SGCD: variants seen among roughly 807,000 people sequenced by gnomAD.
SGCD encodes sarcoglycan delta.
In SGCD, 18 loss-of-function variants were observed where a neutral mutation model predicts 36.6. The observed-to-expected ratio is 0.49, with a 90% CI of 0.34 to 0.73. The LOEUF is 0.73. Among genes scored for constraint, SGCD ranks in the 30% least tolerant of loss-of-function variants. The pLI is 0.01. For synonymous variants in SGCD, 133 were observed against 130.6 expected, an observed-to-expected ratio of 1.02 and a Z score of -0.12; for missense variants, 387 against 346.7, an observed-to-expected ratio of 1.12 and a Z score of -0.92.
At chr5:156,180,198 G>A (rs968227427) in intron 3 of SGCD, among the ~76,000 whole-genome samples, 2 of 152,094 alleles carry the variant, frequency 1.3e-5, no homozygotes, top group Non-Finnish European at 1.5e-5. Context: ...AACTGCAATA[G>A]CATTTCCTTA....
chr5:155,736,101 A>G, the SGCD span, among the ~76,000 whole-genome samples: 1 of 152,236 alleles, frequency 6.6e-6, no homozygotes, highest in Non-Finnish European at 1.5e-5. Context: ...CCTCAGACAC[A>G]GAAACATGTG....
Position 156,718,968 on chromosome 5 carries a change from C to T in SGCD, c.576-38613C>T, listed in dbSNP as rs1007869607. On this transcript the variant is annotated intron_variant, in intron 7 of 8. Coordinates refer to ENST00000337851, the MANE Select transcript of SGCD (RefSeq NM_000337.6). ...CTACCTGTAATACTCTTTTCTTCTC[C>T]TCCTCTACTGCCTAACCCCTCCTTA... Among the ~76,000 whole-genome samples the T allele has an allele frequency of 4.6e-5, 7 of 152,180 alleles. No individual in the cohort carries two copies. The South Asian group carries it at 1.5e-3, about 32-fold the overall frequency.
rs35464853 is a variant in SGCD, at chr5:156,412,787, CTT to C, written c.192+68128_192+68129del. 5.9e-3 allele frequency among the ~76,000 whole-genome samples: 615 copies of C among 105,010 alleles called. 5 individuals carry two copies. Among genetic ancestry groups the C allele is most frequent in the African/African-American group, 0.02 (511 of 25,476 alleles). 68.9% of individuals were successfully genotyped at this position (105,010 alleles called of 152,430 possible). ...CAGATTGAATCAGGCAGGGTTGGTT[CTT>C]TTTTTTTTTTTTTTTTTGAGACGGA... On this transcript the variant is annotated intron_variant, in intron 3 of 8. Transcript: ENST00000337851.
intron 1 of SGCD, among the ~76,000 whole-genome samples, chr5:156,089,955 G>A (rs1761199854): frequency 6.6e-6 from 1 of 152,072 alleles, no homozygotes; most frequent in Non-Finnish European, 1.5e-5. Context: ...TAAAGCCCCA[G>A]ACCCTGGGGC....
At chr5:156,224,591 T>C (rs534420623) in intron 3 of SGCD, among the ~76,000 whole-genome samples, 5 of 152,280 alleles carry the variant, frequency 3.3e-5, no homozygotes, top group South Asian at 4.1e-4. Context: ...CAGTAAGTTT[T>C]GATGTTACTA....
At chr5:155,832,525 G>C in the SGCD span, among the ~76,000 whole-genome samples, 4 of 152,096 alleles carry the variant, frequency 2.6e-5, no homozygotes, top group African/African-American at 9.7e-5. Flanking sequence ...AAGCATTGCT[G>C]CCTCTCTGTA....
the SGCD span, among the ~76,000 whole-genome samples, chr5:155,812,257 G>T: frequency 6.6e-6 from 1 of 152,164 alleles, no homozygotes; most frequent in African/African-American, 2.4e-5. Flanking sequence ...CTCTCCACAA[G>T]GGTTGCATTC....
chr5:155,834,447 C>T, the SGCD span, among the ~76,000 whole-genome samples: 16 of 152,098 alleles, frequency 1.1e-4, no homozygotes, highest in Admixed American at 9.2e-4. Context: ...AAATATGACT[C>T]ATTTTGTGGT....
intron 7 of SGCD, among the ~76,000 whole-genome samples, chr5:156,753,861 A>G (rs1010579094): frequency 6.6e-6 from 1 of 152,174 alleles, no homozygotes; most frequent in Non-Finnish European, 1.5e-5. Flanking sequence ...ACAATTCAAG[A>G]TGAGATTTGG....
intron 3 of SGCD, among the ~76,000 whole-genome samples, chr5:156,185,843 A>ATATGTGTGTGTGTATATATATATATG (rs1763734935): frequency 2.1e-4 from 7 of 33,636 alleles, no homozygotes; most frequent in African/African-American, 5.6e-4. Context: ...GTATATATAT[A>ATATGTGTGTGTGTATATATATATATG]TATATATAGA....
chr5:156,196,471 T>A (rs558555437), intron 3 of SGCD, among the ~76,000 whole-genome samples: 9 of 152,170 alleles, frequency 5.9e-5, no homozygotes, highest in Non-Finnish European at 1.3e-4. Flanking sequence ...TCTTTGCACA[T>A]CAGAATTTGT....
chr5:156,084,913 G>C (rs1169466802), intron 1 of SGCD, among the ~76,000 whole-genome samples: 1 of 152,114 alleles, frequency 6.6e-6, no homozygotes, highest in Non-Finnish European at 1.5e-5. Flanking sequence ...GTCACATTTG[G>C]ACAAGTGCTT....
chr5:156,305,370 T>C (rs1043885354), intron 3 of SGCD, among the ~76,000 whole-genome samples: 8 of 152,162 alleles, frequency 5.3e-5, no homozygotes, highest in African/African-American at 1.7e-4. Context: ...GGGCCATGCT[T>C]TCAGAGGGTG....
the SGCD span, among the ~76,000 whole-genome samples, chr5:155,809,828 C>T: frequency 3.9e-5 from 6 of 152,136 alleles, no homozygotes; most frequent in Non-Finnish European, 5.9e-5. Context: ...ATAAAAGCAT[C>T]TTTTTTAATA....
chr5:156,123,317 A>T (rs1358476768), intron 2 of SGCD, among the ~76,000 whole-genome samples: 2 of 152,072 alleles, frequency 1.3e-5, no homozygotes, highest in African/African-American at 4.8e-5. Context: ...GAGCCCTAAG[A>T]TCTCCTTATG....
At chr5:155,817,409 G>A in the SGCD span, among the ~76,000 whole-genome samples, 10 of 151,416 alleles carry the variant, frequency 6.6e-5, no homozygotes, top group Non-Finnish European at 8.8e-5. Flanking sequence ...CGCTTTTCTC[G>A]TGTGTATGCC....
chr5:155,974,264 G>A (rs1402747884), intron 1 of SGCD, among the ~76,000 whole-genome samples: 6 of 152,056 alleles, frequency 3.9e-5, no homozygotes, highest in Non-Finnish European at 8.8e-5. Flanking sequence ...TGAGACCCAG[G>A]CAAGTTACAT....
intron 3 of SGCD, among the ~76,000 whole-genome samples, chr5:156,195,235 G>A (rs1224277429): frequency 6.6e-6 from 1 of 152,186 alleles, no homozygotes; most frequent in Non-Finnish European, 1.5e-5. Context: ...TGTTCAAAGA[G>A]AGAAGACTAT....
At chr5:155,799,782 A>G in the SGCD span, among the ~76,000 whole-genome samples, 1 of 106,350 alleles carries the variant, frequency 9.4e-6, no homozygotes, top group Admixed American at 9.1e-5. Context: ...AAATGCTTTT[A>G]TCCTCTCCTT....
Sources: gnomAD v4.1 joint callset for allele counts (sites outside exome capture counted in the v4.1 genomes callset) on GRCh38, gnomAD v4.1.1 for gene constraint, MANE v1.5 for transcripts, NCBI Gene and HGNC (gene_info 2026-07-23, HGNC 2026-07-21) for gene names.